The following LRRC4C variants were observed in gnomAD, a reference collection of about 807,000 sequenced individuals.
The protein encoded by LRRC4C is leucine rich repeat containing 4C, also known as leucine-rich repeat-containing protein 4C.
In LRRC4C, 5 loss-of-function variants were observed where a neutral mutation model predicts 33.6. The ratio of observed to expected loss-of-function variants is 0.15; its 90% CI spans 0.08 to 0.31. The LOEUF is 0.31. Ranked by LOEUF, LRRC4C falls within the 10% of genes least tolerant of loss-of-function variation. LRRC4C has a pLI of 1.00. For synonymous variants in LRRC4C, 329 were observed against 302.0 expected (o/e 1.09, Z -0.93); for missense variants, 560 against 796.7 (o/e 0.70, Z 3.58).
At chr11:40,610,563 T>TA (rs149888442) in intron 3 of LRRC4C, among the ~76,000 whole-genome samples, 23 of 150,390 alleles carry the variant, frequency 1.5e-4, no homozygotes, top group Non-Finnish European at 2.2e-4. Context: ...AGCGTTCAAA[T>TA]AAAAAAAAAG....
rs143759116 is a variant in LRRC4C, at chr11:41,361,179, A to G, written c.-496+98252T>C. Among the ~76,000 whole-genome samples the G allele has an allele frequency of 5.8e-3, 880 of 152,298 alleles. 6 individuals are homozygous for G. Among genetic ancestry groups the G allele is most frequent in the African/African-American group, 0.02 (841 of 41,580 alleles). On this transcript the variant is annotated intron_variant, in intron 1 of 6. Transcript: ENST00000528697. ...TTCATTTCACGAATACGATGATGTC[A>G]CAAGAGCATAATGTTTCTCCAGGTC...
intron 3 of LRRC4C, among the ~76,000 whole-genome samples, chr11:40,516,463 T>C (rs1955564059): frequency 6.6e-6 from 1 of 152,130 alleles, no homozygotes; most frequent in Non-Finnish European, 1.5e-5. Flanking sequence ...TGAGTGCCTC[T>C]GCTTGGTGCT....
rs1029600544 is a variant in LRRC4C, at chr11:40,912,350, A to G, written c.-407+21285T>C. Among the ~76,000 whole-genome samples, 71 of 152,370 alleles carry G rather than the reference A, an allele frequency of 4.7e-4. 1 individual carries two copies. The highest frequency in any genetic ancestry group is 3.4e-3 in the Middle Eastern group (1 of 294). The stretch of plus-strand genomic sequence containing the variant: ...CCATCAGACTAACAGCTGATCTCTC[A>G]GCAGAAACTCTACAAGCCAGAAGAA... On this transcript the variant is annotated intron_variant, in intron 2 of 6. Transcript: ENST00000528697.
intron 1 of LRRC4C, among the ~76,000 whole-genome samples, chr11:41,143,844 C>T (rs1235728171): frequency 6.6e-6 from 1 of 152,150 alleles, no homozygotes; most frequent in Non-Finnish European, 1.5e-5. Context: ...GCTTTTTGTA[C>T]TTGACTTGCA....
chr11:40,127,432 T>C (rs2134748184), intron 6 of LRRC4C, among the ~76,000 whole-genome samples: 1 of 152,158 alleles, frequency 6.6e-6, no homozygotes, highest in East Asian at 1.9e-4. Context: ...ACTGTCTTAA[T>C]GGAAGTAAAG....
Position 41,438,558 on chromosome 11 carries a change from G to A in LRRC4C, c.-496+20873C>T, listed in dbSNP as rs71486310. Among the ~76,000 whole-genome samples, 327 of 152,228 alleles carry A rather than the reference G, an allele frequency of 2.1e-3. 1 individual carries two copies. Among genetic ancestry groups the A allele is most frequent in the Non-Finnish European group, 3.4e-3 (234 of 68,008 alleles). On this transcript the variant is annotated intron_variant, in intron 1 of 6. Coordinates refer to ENST00000528697, the MANE Select transcript of LRRC4C (RefSeq NM_001258419.2). The stretch of plus-strand genomic sequence containing the variant: ...AGAAATTGCAATGAAAACAGTATCA[G>A]GGTATACTATCCCTGGAGCCCCTCT...
Position 41,160,617 on chromosome 11 carries a change from A to C in LRRC4C, c.-495-226894T>G, listed in dbSNP as rs377086619. Reference sequence around the variant, plus strand: ...CTTGGAAATATATGAATTGGCATGCATGTCTTTATTCATTTATTTAAGTAA... The same window carrying C: ...CTTGGAAATATATGAATTGGCATGCCTGTCTTTATTCATTTATTTAAGTAA... On this transcript the variant is annotated intron_variant, in intron 1 of 6. Coordinates refer to ENST00000528697, the MANE Select transcript of LRRC4C (RefSeq NM_001258419.2). 1.6e-4 allele frequency among the ~76,000 whole-genome samples: 25 copies of C among 152,256 alleles called. 1 individual carries two copies. The East Asian group carries it at 3.7e-3, about 22-fold the overall frequency.
chr11:41,434,597 G>A (rs1461212824), intron 1 of LRRC4C, among the ~76,000 whole-genome samples: 3 of 152,150 alleles, frequency 2.0e-5, no homozygotes, highest in Non-Finnish European at 4.4e-5. Flanking sequence ...TCTGCAAATA[G>A]AAGAATTCAC....
intron 2 of LRRC4C, among the ~76,000 whole-genome samples, chr11:40,680,773 A>G (rs1944647477): frequency 6.6e-6 from 1 of 152,202 alleles, no homozygotes; most frequent in South Asian, 2.1e-4. Context: ...TCAGCGTGAA[A>G]ATGGATTTAT....
intron 3 of LRRC4C, among the ~76,000 whole-genome samples, chr11:40,517,871 CT>C (rs1955636639): frequency 1.3e-5 from 2 of 152,138 alleles, no homozygotes; most frequent in Admixed American, 1.3e-4. Context: ...TACTACAAGT[CT>C]ACAATAACCA....
At chr11:41,343,716 T>C (rs1951712061) in intron 1 of LRRC4C, among the ~76,000 whole-genome samples, 1 of 152,224 alleles carries the variant, frequency 6.6e-6, no homozygotes, top group African/African-American at 2.4e-5. Context: ...TGCACATTAA[T>C]AAAATCACAT....
At chr11:41,301,278 A>G (rs1216223753) in intron 1 of LRRC4C, among the ~76,000 whole-genome samples, 11 of 152,172 alleles carry the variant, frequency 7.2e-5, no homozygotes, top group Admixed American at 7.2e-4. Flanking sequence ...CTTTAATACT[A>G]AATAAACTGA....
At chr11:40,831,616 C>G (rs1016888123) in intron 2 of LRRC4C, among the ~76,000 whole-genome samples, 1 of 151,400 alleles carries the variant, frequency 6.6e-6, no homozygotes, top group African/African-American at 2.4e-5. Context: ...GAAGAAATAC[C>G]CGAGACTGGG....
Position 40,155,232 on chromosome 11 carries a change from C to T in LRRC4C, c.-95-14379G>A, listed in dbSNP as rs558056734. 2.6e-5 allele frequency among the ~76,000 whole-genome samples: 4 copies of T among 152,032 alleles called. No individual in the cohort carries two copies. The East Asian group carries it at 7.8e-4, about 30-fold the overall frequency. ...GCGTTGGTAAGAGGAAAGTTTATGG[C>T]CCTAAATGCCCACATCAAAAACTCT... is the stretch of plus-strand genomic sequence containing the variant. On this transcript the variant is annotated intron_variant, in intron 5 of 6. Transcript: ENST00000528697.
intron 5 of LRRC4C, among the ~76,000 whole-genome samples, chr11:40,197,179 A>G (rs1300048576): frequency 6.6e-6 from 1 of 152,222 alleles, no homozygotes; most frequent in Non-Finnish European, 1.5e-5. Flanking sequence ...AACGTTGTGT[A>G]TGCTGAAGCT....
intron 5 of LRRC4C, among the ~76,000 whole-genome samples, chr11:40,192,920 A>G (rs1185902921): frequency 1.3e-5 from 2 of 152,214 alleles, no homozygotes; most frequent in Non-Finnish European, 2.9e-5. Context: ...CTCTCTGGGC[A>G]GGGAATCTCT....
intron 2 of LRRC4C, among the ~76,000 whole-genome samples, chr11:40,840,848 T>C (rs1392809711): frequency 2.6e-5 from 4 of 152,212 alleles, no homozygotes; most frequent in Non-Finnish European, 2.9e-5. Context: ...AGTTACTTTG[T>C]TCAACATTAT....
At chr11:40,273,648 T>A (rs1942874134) in intron 4 of LRRC4C, among the ~76,000 whole-genome samples, 1 of 152,164 alleles carries the variant, frequency 6.6e-6, no homozygotes, top group Admixed American at 6.6e-5. Flanking sequence ...TAGATACTAC[T>A]TTCAGGGTTT....
intron 2 of LRRC4C, among the ~76,000 whole-genome samples, chr11:40,851,591 C>T (rs1003526338): frequency 1.3e-5 from 2 of 152,000 alleles, no homozygotes; most frequent in South Asian, 4.2e-4. Flanking sequence ...GGCCATCTTG[C>T]TCAGGAATCT....
Sources: allele counts gnomAD v4.1 joint callset (sites outside exome capture counted in the v4.1 genomes callset), GRCh38; gene constraint gnomAD v4.1.1; transcripts MANE v1.5; gene names NCBI Gene and HGNC (gene_info 2026-07-23, HGNC 2026-07-21).